MATCAP2: variants seen among roughly 807,000 people sequenced by gnomAD.
MATCAP2 encodes the protein microtubule associated tyrosine carboxypeptidase 2.
the MATCAP2 span, among the ~76,000 whole-genome samples, chr7:36,346,216 AAC>A: frequency 6.6e-6 from 1 of 152,178 alleles, no homozygotes; most frequent in Non-Finnish European, 1.5e-5. Flanking sequence ...CACTTTGAAA[AAC>A]AGTCTGGCAG....
the MATCAP2 span, among the ~76,000 whole-genome samples, chr7:36,379,847 C>G: frequency 0.27 from 28,065 of 104,268 alleles, 3,221 homozygotes; most frequent in African/African-American, 0.31. Context: ...CACACACACA[C>G]AGAGAGAGAG....
At chr7:36,389,826 G>T in the MATCAP2 span, 562 of 984,578 alleles carry the variant, frequency 5.7e-4, 3 homozygotes, top group African/African-American at 8.5e-3. Flanking sequence ...CTCGCGGCTC[G>T]GCGCTGAAAT....
chr7:36,330,623 C>CA, the MATCAP2 span, among the ~76,000 whole-genome samples: 4,458 of 152,084 alleles, frequency 0.029, 90 homozygotes, highest in African/African-American at 0.035. Context: ...TTATTATTAA[C>CA]AAAATCATGT....
At chr7:36,331,879 T>C in the MATCAP2 span, among the ~76,000 whole-genome samples, 1 of 152,208 alleles carries the variant, frequency 6.6e-6, no homozygotes, top group African/African-American at 2.4e-5. Context: ...TGGTTAGGTA[T>C]GCCAATAGCA....
At chr7:36,371,901 A>G in the MATCAP2 span, among the ~76,000 whole-genome samples, 1 of 151,768 alleles carries the variant, frequency 6.6e-6, no homozygotes, top group Non-Finnish European at 1.5e-5. Flanking sequence ...TTTTTATAGA[A>G]ATGGGGTCTT....
the MATCAP2 span, chr7:36,330,948 T>C: frequency 2.4e-6 from 3 of 1,244,684 alleles, no homozygotes; most frequent in Admixed American, 1.7e-5. Flanking sequence ...TGATCTGGGG[T>C]GTTCGGGGAC....
chr7:36,331,096 A>C, the MATCAP2 span: 1 of 1,505,512 alleles, frequency 6.6e-7, no homozygotes, highest in South Asian at 1.1e-5. Flanking sequence ...GAACCAGAAT[A>C]GTGTTTACTT....
At chr7:36,370,772 C>T in the MATCAP2 span, among the ~76,000 whole-genome samples, 2 of 152,336 alleles carry the variant, frequency 1.3e-5, no homozygotes, top group Admixed American at 6.5e-5. Flanking sequence ...TGAGCCACCA[C>T]GCCTCGCCAT....
chr7:36,387,473 A>C, the MATCAP2 span, among the ~76,000 whole-genome samples: 1 of 152,218 alleles, frequency 6.6e-6, no homozygotes, highest in Non-Finnish European at 1.5e-5. Context: ...AAAAGATAAA[A>C]GTCATTCTAG....
chr7:36,332,866 G>C, the MATCAP2 span, among the ~76,000 whole-genome samples: 1 of 152,202 alleles, frequency 6.6e-6, no homozygotes. Context: ...GGCAGAGGTT[G>C]CGGTGAGCTG....
At chr7:36,326,998 A>G in the MATCAP2 span, 1 of 1,256,988 alleles carries the variant, frequency 8.0e-7, no homozygotes, top group Non-Finnish European at 1.1e-6. Context: ...CCTGGGCCTT[A>G]AATGAAAGTA....
At chr7:36,357,292 T>A in the MATCAP2 span, 1 of 1,614,184 alleles carries the variant, frequency 6.2e-7, no homozygotes, top group East Asian at 2.2e-5. Context: ...TACCACTGCT[T>A]GTCACAGGCA....
At chr7:36,375,002 G>A in the MATCAP2 span, among the ~76,000 whole-genome samples, 105 of 152,276 alleles carry the variant, frequency 6.9e-4, no homozygotes, top group Non-Finnish European at 1.5e-4. Flanking sequence ...ATAAACATAC[G>A]TGTGCATGTG....
chr7:36,342,364 G>A, the MATCAP2 span, among the ~76,000 whole-genome samples: 1 of 151,856 alleles, frequency 6.6e-6, no homozygotes, highest in Non-Finnish European at 1.5e-5. Flanking sequence ...ATTTTTAATA[G>A]AGATGGGGTT....
the MATCAP2 span, among the ~76,000 whole-genome samples, chr7:36,369,946 C>T: frequency 1.3e-5 from 2 of 152,052 alleles, no homozygotes; most frequent in African/African-American, 2.4e-5. Flanking sequence ...TTTATGTTCA[C>T]CCTACCAATA....
the MATCAP2 span, among the ~76,000 whole-genome samples, chr7:36,364,683 T>C: frequency 6.6e-6 from 1 of 152,122 alleles, no homozygotes; most frequent in African/African-American, 2.4e-5. Flanking sequence ...CAGATATCAA[T>C]GAATCGTGAG....
the MATCAP2 span, among the ~76,000 whole-genome samples, chr7:36,382,553 C>T: frequency 2.6e-5 from 4 of 151,732 alleles, no homozygotes; most frequent in East Asian, 5.8e-4. Flanking sequence ...AGTGCAGTGG[C>T]GTGATCTCGG....
At chr7:36,327,039 C>T in the MATCAP2 span, 2 of 834,368 alleles carry the variant, frequency 2.4e-6, no homozygotes, top group Non-Finnish European at 3.6e-6. Context: ...ATTTTAATAG[C>T]TGCAAAGTAA....
At chr7:36,351,008 T>G in the MATCAP2 span, among the ~76,000 whole-genome samples, 1 of 152,248 alleles carries the variant, frequency 6.6e-6, no homozygotes, top group African/African-American at 2.4e-5. Flanking sequence ...TGAACCTATA[T>G]ACCATGACTA....
Sources: allele counts gnomAD v4.1 joint callset (sites outside exome capture counted in the v4.1 genomes callset), GRCh38; gene constraint gnomAD v4.1.1; transcripts MANE v1.5; gene names NCBI Gene and HGNC (gene_info 2026-07-23, HGNC 2026-07-21).